Variants in NKAIN3 observed in about 807,000 individuals in gnomAD.
NKAIN3 encodes the protein sodium/potassium-transporting ATPase subunit beta-1-interacting protein 3.
Under a neutral mutation model 30.2 loss-of-function variants are expected in NKAIN3, and 25 were observed. The ratio of observed to expected loss-of-function variants is 0.83; its 90% CI spans 0.60 to 1.16. NKAIN3 has a LOEUF of 1.16. Ranked by LOEUF, NKAIN3 falls within the 50% of genes most tolerant of loss-of-function variation. NKAIN3 has a pLI of 0.00. For synonymous variants in NKAIN3, 91 were observed against 89.6 expected, an observed-to-expected ratio of 1.02 and a Z score of -0.09; for missense variants, 225 against 254.1, an observed-to-expected ratio of 0.89 and a Z score of 0.78.
intron 1 of NKAIN3, among the ~76,000 whole-genome samples, chr8:62,271,075 T>C (rs1391576440): frequency 1.3e-5 from 2 of 152,204 alleles, no homozygotes; most frequent in African/African-American, 4.8e-5. Context: ...ACATCCAAAA[T>C]ACATTTTAAC....
At chr8:62,382,474 A>G (rs1817306806) in intron 1 of NKAIN3, among the ~76,000 whole-genome samples, 1 of 152,278 alleles carries the variant, frequency 6.6e-6, no homozygotes, top group South Asian at 2.1e-4. Flanking sequence ...TTACAGAAAT[A>G]CATGATAATT....
chr8:62,576,906 A>T (rs534998687), intron 1 of NKAIN3, among the ~76,000 whole-genome samples: 3 of 152,260 alleles, frequency 2.0e-5, no homozygotes, highest in South Asian at 2.1e-4. Flanking sequence ...TAAATATTAC[A>T]GTCAAGGGCA....
chr8:62,759,375 C>T (rs1816565615), intron 4 of NKAIN3, among the ~76,000 whole-genome samples: 1 of 152,056 alleles, frequency 6.6e-6, no homozygotes, highest in Non-Finnish European at 1.5e-5. Context: ...TCCATTTCTT[C>T]ATCAATGGAG....
intron 1 of NKAIN3, among the ~76,000 whole-genome samples, chr8:62,394,510 A>T (rs569282383): frequency 1.6e-5 from 2 of 121,898 alleles, no homozygotes; most frequent in Non-Finnish European, 3.8e-5. Context: ...AGTAAACTTT[A>T]ATGTCAAAAT....
intron 3 of NKAIN3, among the ~76,000 whole-genome samples, chr8:62,697,625 T>A (rs1163208203): frequency 1.3e-5 from 2 of 152,212 alleles, no homozygotes; most frequent in Non-Finnish European, 2.9e-5. Context: ...TCCCAACTTC[T>A]AGAACATATG....
chr8:62,611,528 G>A (rs933178335), intron 3 of NKAIN3, among the ~76,000 whole-genome samples: 1 of 152,056 alleles, frequency 6.6e-6, no homozygotes, highest in African/African-American at 2.4e-5. Flanking sequence ...TCCATACAGT[G>A]ATAACATGCA....
At chr8:62,578,291 A>G (rs1810180709) in intron 1 of NKAIN3, among the ~76,000 whole-genome samples, 1 of 152,156 alleles carries the variant, frequency 6.6e-6, no homozygotes, top group Non-Finnish European at 1.5e-5. Context: ...ATTGTTGTGT[A>G]TATATTGACA....
intron 2 of NKAIN3, among the ~76,000 whole-genome samples, chr8:62,579,949 A>T (rs1810240163): frequency 6.6e-6 from 1 of 152,150 alleles, no homozygotes. Flanking sequence ...GAAATTCAAA[A>T]TAGTGGTTGG....
intron 3 of NKAIN3, among the ~76,000 whole-genome samples, chr8:62,705,830 G>T (rs1181853700): frequency 2.6e-5 from 4 of 152,026 alleles, no homozygotes; most frequent in African/African-American, 7.2e-5. Flanking sequence ...GCTTTGTTTT[G>T]ATTTTTCTCC....
intron 1 of NKAIN3, among the ~76,000 whole-genome samples, chr8:62,477,756 G>A (rs993917524): frequency 3.3e-5 from 5 of 152,162 alleles, no homozygotes; most frequent in Admixed American, 6.5e-5. Flanking sequence ...AATCAACAAG[G>A]CAAGAACCCT....
chr8:62,988,641 A>G (rs1824254414), downstream of NKAIN3, among the ~76,000 whole-genome samples: 1 of 152,266 alleles, frequency 6.6e-6, no homozygotes, highest in Non-Finnish European at 1.5e-5. Context: ...TGTACACAGC[A>G]GGTGGGCTTT....
intron 1 of NKAIN3, among the ~76,000 whole-genome samples, chr8:62,299,461 C>T (rs1434200703): frequency 6.6e-6 from 1 of 151,984 alleles, no homozygotes; most frequent in Non-Finnish European, 1.5e-5. Flanking sequence ...GGTTGGACTC[C>T]CAGGGCGACC....
intron 3 of NKAIN3, among the ~76,000 whole-genome samples, chr8:62,659,569 G>A (rs146925724): frequency 6.6e-6 from 1 of 152,200 alleles, no homozygotes; most frequent in Non-Finnish European, 1.5e-5. Flanking sequence ...AGGTGCTCCA[G>A]CATGGTCTGT....
At chr8:62,845,866 A>C (rs1819673637) in intron 4 of NKAIN3, among the ~76,000 whole-genome samples, 1 of 152,136 alleles carries the variant, frequency 6.6e-6, no homozygotes. Context: ...TAGCAGATTC[A>C]AAGTAATTTT....
At chr8:62,682,235 G>T (rs1288499777) in intron 3 of NKAIN3, among the ~76,000 whole-genome samples, 1 of 152,118 alleles carries the variant, frequency 6.6e-6, no homozygotes, top group Non-Finnish European at 1.5e-5. Context: ...TAAAGATCCA[G>T]ATTACAGGAA....
intron 1 of NKAIN3, among the ~76,000 whole-genome samples, chr8:62,253,599 TAAATA>T (rs1812176315): frequency 6.6e-6 from 1 of 152,134 alleles, no homozygotes; most frequent in Admixed American, 6.6e-5. Flanking sequence ...AGTAAATAAA[TAAATA>T]AATAGAGAAC....
chr8:62,462,638 C>A (rs1353865044), intron 1 of NKAIN3, among the ~76,000 whole-genome samples: 1 of 152,226 alleles, frequency 6.6e-6, no homozygotes, highest in East Asian at 1.9e-4. Context: ...CCTGAGGTCA[C>A]AATCTGGGAA....
intron 3 of NKAIN3, among the ~76,000 whole-genome samples, chr8:62,631,096 A>G (rs966323104): frequency 6.6e-6 from 1 of 152,148 alleles, no homozygotes; most frequent in African/African-American, 2.4e-5. Flanking sequence ...TAACCACTTC[A>G]TGTAAATTCA....
chr8:62,332,282 T>C (rs1349833650), intron 1 of NKAIN3, among the ~76,000 whole-genome samples: 1 of 152,138 alleles, frequency 6.6e-6, no homozygotes, highest in Non-Finnish European at 1.5e-5. Flanking sequence ...AAGAACATAT[T>C]GCCATTCTAG....
Sources: allele counts gnomAD v4.1 joint callset (sites outside exome capture counted in the v4.1 genomes callset), GRCh38; gene constraint gnomAD v4.1.1; transcripts MANE v1.5; gene names NCBI Gene and HGNC (gene_info 2026-07-23, HGNC 2026-07-21).